SCFD2: variants seen among roughly 807,000 people sequenced by gnomAD.
SCFD2 encodes the protein sec1 family domain containing 2.
Under a neutral mutation model 58.9 loss-of-function variants are expected in SCFD2, and 54 were observed. That is an observed-to-expected ratio of 0.92 (90% CI 0.74 to 1.15). The LOEUF (loss-of-function observed/expected upper bound fraction) is 1.15. Among genes scored for constraint, SCFD2 ranks in the 50% most tolerant of loss-of-function variants. The pLI is 0.00. For missense variants in SCFD2, 805 were observed against 836.6 expected, an observed-to-expected ratio of 0.96 and a Z score of 0.47; for synonymous variants, 321 against 335.9, an observed-to-expected ratio of 0.96 and a Z score of 0.49.
At chr4:52,892,444 T>C (rs1718900113) in intron 7 of SCFD2, among the ~76,000 whole-genome samples, 1 of 152,230 alleles carries the variant, frequency 6.6e-6, no homozygotes. Flanking sequence ...TCAGTGTTTC[T>C]GGTCAAATGT....
chr4:53,325,358 T>C (rs1225083702), intron 2 of SCFD2, among the ~76,000 whole-genome samples: 1 of 151,620 alleles, frequency 6.6e-6, no homozygotes, highest in African/African-American at 2.4e-5. Context: ...CACCAAAACA[T>C]AAATGATTAA....
intron 5 of SCFD2, among the ~76,000 whole-genome samples, chr4:53,052,639 A>T (rs1723215946): frequency 6.6e-6 from 1 of 152,162 alleles, no homozygotes; most frequent in South Asian, 2.1e-4. Context: ...TTCAACTTAA[A>T]CCCCAAATGG....
At chr4:53,316,096 G>A (rs1732854031) in intron 2 of SCFD2, among the ~76,000 whole-genome samples, 1 of 152,100 alleles carries the variant, frequency 6.6e-6, no homozygotes, top group Non-Finnish European at 1.5e-5. Context: ...TCCCCTTACT[G>A]CCCTGCTTAA....
At position 53,080,462 on chromosome 4, in the gene SCFD2, T is replaced by C. The variant is rs150205298; in HGVS notation, c.1561+64871A>G. ...TGTAGTATAAACATTGAAGACCTTA[T>C]GCTAAAAGTTTGAAGTGAAAATAAC... On this transcript the variant is annotated intron_variant, in intron 5 of 8. Coordinates refer to ENST00000401642, the MANE Select transcript of SCFD2 (RefSeq NM_152540.4). 1.4e-4 allele frequency among the ~76,000 whole-genome samples: 22 copies of C among 152,296 alleles called. No individual in the cohort carries two copies. The East Asian group carries it at 4.0e-3, about 28-fold the overall frequency.
chr4:53,312,861 GAAAC>G, intron 3 of SCFD2, among the ~76,000 whole-genome samples: 1 of 152,010 alleles, frequency 6.6e-6, no homozygotes, highest in East Asian at 1.9e-4. Context: ...CAAACTTCCA[GAAAC>G]AAATTCTACC....
At chr4:52,951,580 A>C (rs1444068895) in intron 5 of SCFD2, among the ~76,000 whole-genome samples, 1 of 152,196 alleles carries the variant, frequency 6.6e-6, no homozygotes, top group African/African-American at 2.4e-5. Context: ...CATACTGACT[A>C]TCTGTAGGAT....
At chr4:53,237,391 G>T (rs1729664165) in intron 4 of SCFD2, among the ~76,000 whole-genome samples, 2 of 150,568 alleles carry the variant, frequency 1.3e-5, no homozygotes, top group Non-Finnish European at 3.0e-5. Context: ...GGGCAGACGG[G>T]CTCCTCACTT....
chr4:53,135,702 A>T (rs1217006723), intron 5 of SCFD2, among the ~76,000 whole-genome samples: 7 of 151,926 alleles, frequency 4.6e-5, no homozygotes, highest in African/African-American at 1.7e-4. Context: ...AGATTGTACC[A>T]CTGCACTCCA....
intron 4 of SCFD2, among the ~76,000 whole-genome samples, chr4:53,238,851 G>A (rs1376683391): frequency 2.0e-5 from 3 of 151,374 alleles, no homozygotes; most frequent in African/African-American, 7.3e-5. Flanking sequence ...ATGGCGGCCG[G>A]GCGGAGACGC....
At chr4:53,138,113 T>C (rs1056696888) in intron 5 of SCFD2, among the ~76,000 whole-genome samples, 15 of 152,164 alleles carry the variant, frequency 9.9e-5, no homozygotes, top group Non-Finnish European at 1.6e-4. Context: ...ATCAAAATCA[T>C]AATGGTGGTG....
At position 53,365,927 on chromosome 4, in the gene SCFD2, G is replaced by C. The variant is rs369719586; in HGVS notation, c.15C>G (p.Gly5=). The stretch of plus-strand genomic sequence containing the variant: ...ATCCTTGCTGGGTAAAGGACAGTAC[G>C]CCCGAGGCGCTCATGGTTGGGGATT... The part of the protein sequence containing the change: MSAS[G]VLSFTQQGWE... The change falls in exon 1 of 9, where the codon GGC becomes GGG. Residue 5 remains glycine (G), a synonymous_variant. Transcript: ENST00000401642. The surrounding 1 kb of genome is among the most constrained non-coding windows in gnomAD (Gnocchi z 4.3). 1.3e-6 allele frequency: 2 copies of C among 1,538,544 alleles called. No individual in the cohort carries two copies. The highest frequency in any genetic ancestry group is 2.7e-5 in the African/African-American group (2 of 72,734).
chr4:52,885,849 A>G lies in SCFD2; in HGVS notation c.1860T>C (p.Pro620=). 1 of 1,614,172 alleles carries G rather than the reference A, an allele frequency of 6.2e-7. No individual in the cohort carries two copies. The highest frequency in any genetic ancestry group is 8.5e-7 in the Non-Finnish European group (1 of 1,179,986). ...AGAGGATCAGGAGGGGGTAGTCACT[A>G]GGATGAGGCCGGCTCACCTGCAAAA... ...SMFMKVSRPH[P]SDYPLLILFV... is the part of the protein sequence containing the mutation. The change falls in exon 8 of 9, where the codon CCT becomes CCC. Residue 620 remains proline (P), a synonymous_variant. Transcript: ENST00000401642.
chr4:53,331,569 C>T (rs1220358460), intron 2 of SCFD2, among the ~76,000 whole-genome samples: 5 of 152,168 alleles, frequency 3.3e-5, no homozygotes, highest in Non-Finnish European at 7.4e-5. Flanking sequence ...ACACAACATA[C>T]CAGAATCTCT....
chr4:53,231,981 C>T (rs1184658078), intron 4 of SCFD2, among the ~76,000 whole-genome samples: 1 of 151,738 alleles, frequency 6.6e-6, no homozygotes, highest in Admixed American at 6.6e-5. Flanking sequence ...CTATCAAAAC[C>T]AACGTTAAAG....
Position 52,879,417 on chromosome 4 carries a change from G to A in SCFD2, c.1963-5356C>T, listed in dbSNP as rs1718556473. Among the ~76,000 whole-genome samples the A allele has an allele frequency of 2.6e-5, 4 of 152,210 alleles. No individual in the cohort carries two copies. In the South Asian group the frequency reaches 8.3e-4, roughly 31 times the overall value. ...GCAACTGCAGGGCAGTTATGACTTA[G>A]GTGTCACATGTGTTGCCAACTGCAG... is the stretch of plus-strand genomic sequence containing the variant. On this transcript the variant is annotated intron_variant, in intron 8 of 8. Coordinates refer to ENST00000401642, the MANE Select transcript of SCFD2 (RefSeq NM_152540.4).
intron 3 of SCFD2, among the ~76,000 whole-genome samples, chr4:53,308,354 G>T (rs1268234840): frequency 6.6e-6 from 1 of 152,140 alleles, no homozygotes; most frequent in Non-Finnish European, 1.5e-5. Context: ...GAGGCAGCCA[G>T]ATGTTCTCAT....
intron 4 of SCFD2, among the ~76,000 whole-genome samples, chr4:53,211,045 C>A (rs1442652883): frequency 1.3e-5 from 2 of 151,920 alleles, no homozygotes; most frequent in South Asian, 2.1e-4. Flanking sequence ...GAGATCAAGA[C>A]CATCCTGACC....
intron 2 of SCFD2, among the ~76,000 whole-genome samples, chr4:53,326,826 AG>A (rs1560448132): frequency 6.6e-6 from 1 of 152,222 alleles, no homozygotes; most frequent in Non-Finnish European, 1.5e-5. Context: ...GAATATCTTT[AG>A]TTGTCATTAA....
intron 5 of SCFD2, among the ~76,000 whole-genome samples, chr4:53,115,388 C>A (rs1374009586): frequency 1.3e-5 from 2 of 152,092 alleles, no homozygotes; most frequent in Non-Finnish European, 2.9e-5. Flanking sequence ...AGAACCTGTT[C>A]TTTACTTAGT....
Sources: gnomAD v4.1 joint callset for allele counts (sites outside exome capture counted in the v4.1 genomes callset) on GRCh38, gnomAD v4.1.1 for gene constraint, Gnocchi (gnomAD v3.1) non-coding constraint, MANE v1.5 for transcripts, NCBI Gene and HGNC (gene_info 2026-07-23, HGNC 2026-07-21) for gene names.